The following NCAM2 variants were observed in gnomAD, a reference collection of about 807,000 sequenced individuals.
NCAM2 encodes N-CAM-2.
In NCAM2, 30 loss-of-function variants were observed where a neutral mutation model predicts 98.1. That is an observed-to-expected ratio of 0.31 (90% confidence interval 0.23 to 0.41). The LOEUF is 0.41. Among genes scored for constraint, NCAM2 ranks in the 10% least tolerant of loss-of-function variants. NCAM2 has a pLI of 1.00. For missense variants in NCAM2, 867 were observed against 1,005.8 expected (o/e 0.86, Z 1.87); for synonymous variants, 368 against 342.4 (o/e 1.07, Z -0.83).
At chr21:21,420,507 A>T (rs921021822) in intron 11 of NCAM2, among the ~76,000 whole-genome samples, 41 of 152,058 alleles carry the variant, frequency 2.7e-4, no homozygotes, top group African/African-American at 9.4e-4. Context: ...TAACAGACTT[A>T]AAAGCATCTG....
At chr21:21,067,022 TTAAG>T (rs1452524129) in intron 1 of NCAM2, among the ~76,000 whole-genome samples, 1 of 151,946 alleles carries the variant, frequency 6.6e-6, no homozygotes, top group Non-Finnish European at 1.5e-5. Flanking sequence ...ATGCGTCTGT[TTAAG>T]TAGGTTTATG....
At chr21:21,427,214 G>T (rs1445214691) in intron 11 of NCAM2, among the ~76,000 whole-genome samples, 1 of 150,140 alleles carries the variant, frequency 6.7e-6, no homozygotes, top group Non-Finnish European at 1.5e-5. Flanking sequence ...AGAAGAGAGT[G>T]GGATTGAAAA....
chr21:21,506,813 AT>A (rs1288401474), intron 15 of NCAM2, among the ~76,000 whole-genome samples: 6 of 150,160 alleles, frequency 4.0e-5, no homozygotes, highest in Non-Finnish European at 8.8e-5. Flanking sequence ...TTAATACATT[AT>A]TTTTTTTCAC....
chr21:21,222,110 C>T (rs1480468627), intron 1 of NCAM2, among the ~76,000 whole-genome samples: 1 of 152,100 alleles, frequency 6.6e-6, no homozygotes, highest in Non-Finnish European at 1.5e-5. Context: ...ACATGATGTA[C>T]TGAATATTTT....
intron 1 of NCAM2, among the ~76,000 whole-genome samples, chr21:21,165,613 C>T (rs900377641): frequency 2.6e-5 from 4 of 152,118 alleles, no homozygotes; most frequent in Non-Finnish European, 5.9e-5. Context: ...TTGGGGTAAC[C>T]GAGGCCTGCT....
At chr21:21,067,939 A>G (rs2065474450) in intron 1 of NCAM2, among the ~76,000 whole-genome samples, 1 of 152,058 alleles carries the variant, frequency 6.6e-6, no homozygotes, top group Non-Finnish European at 1.5e-5. Flanking sequence ...CATTAAAAAA[A>G]CTGAATTTCT....
intron 1 of NCAM2, among the ~76,000 whole-genome samples, chr21:21,149,423 A>T (rs985375141): frequency 2.6e-5 from 4 of 152,024 alleles, no homozygotes; most frequent in African/African-American, 9.7e-5. Context: ...TTTTACCTTA[A>T]GTTCTGGGAT....
chr21:21,366,839 A>C (rs1176894576), intron 8 of NCAM2, among the ~76,000 whole-genome samples: 1 of 152,034 alleles, frequency 6.6e-6, no homozygotes, highest in Non-Finnish European at 1.5e-5. Flanking sequence ...ATCACACTTT[A>C]TCTGTTTTCC....
At chr21:21,523,759 C>G (rs556102493) in intron 16 of NCAM2, among the ~76,000 whole-genome samples, 1 of 151,308 alleles carries the variant, frequency 6.6e-6, no homozygotes, top group South Asian at 2.1e-4. Context: ...AATTCTTGAA[C>G]AACAAATAAA....
At chr21:21,304,568 A>G (rs573817122) in intron 5 of NCAM2, among the ~76,000 whole-genome samples, 19 of 152,252 alleles carry the variant, frequency 1.2e-4, no homozygotes, top group East Asian at 3.9e-4. Flanking sequence ...TAGTTTTAAT[A>G]TAGAATAAAA....
chr21:21,374,804 G>T (rs1315952858), intron 9 of NCAM2, among the ~76,000 whole-genome samples: 1 of 151,670 alleles, frequency 6.6e-6, no homozygotes, highest in African/African-American at 2.4e-5. Flanking sequence ...TATTTCTATT[G>T]GAGCATGTCT....
At chr21:21,188,857 A>T (rs2068724484) in intron 1 of NCAM2, among the ~76,000 whole-genome samples, 1 of 152,210 alleles carries the variant, frequency 6.6e-6, no homozygotes, top group African/African-American at 2.4e-5. Context: ...AGTGGTAATT[A>T]AAAAATAAAT....
At chr21:21,100,860 C>G (rs1436788288) in intron 1 of NCAM2, among the ~76,000 whole-genome samples, 1 of 152,040 alleles carries the variant, frequency 6.6e-6, no homozygotes, top group African/African-American at 2.4e-5. Flanking sequence ...TCAGGAAGCT[C>G]TGTGCCATTT....
chr21:21,181,868 T>A (rs2068484088), intron 1 of NCAM2, among the ~76,000 whole-genome samples: 1 of 151,998 alleles, frequency 6.6e-6, no homozygotes, highest in Non-Finnish European at 1.5e-5. Flanking sequence ...TAGGATGTAA[T>A]CTCTGTTACC....
At chr21:21,167,904 C>T (rs575429886) in intron 1 of NCAM2, among the ~76,000 whole-genome samples, 94 of 152,054 alleles carry the variant, frequency 6.2e-4, no homozygotes, top group Admixed American at 2.4e-3. Flanking sequence ...ACTAATTCTC[C>T]ATAATCTCTT....
chr21:21,346,509 A>G (rs1489867658), intron 8 of NCAM2, among the ~76,000 whole-genome samples: 4 of 152,104 alleles, frequency 2.6e-5, no homozygotes, highest in Non-Finnish European at 4.4e-5. Flanking sequence ...CTTCAGATGT[A>G]ATCTGCACTA....
At chr21:21,318,742 T>A (rs1045143044) in intron 5 of NCAM2, among the ~76,000 whole-genome samples, 1 of 152,336 alleles carries the variant, frequency 6.6e-6, no homozygotes, top group South Asian at 2.1e-4. Context: ...AAACAAATGC[T>A]GTAATAGATA....
In NCAM2 at chr21:21,210,560, C is replaced by T. The variant is rs570758708; in HGVS notation, c.56-70018C>T. 1.1e-4 allele frequency: 139 copies of T among 1,288,138 alleles called. 5 individuals are homozygous for T. In the South Asian group the frequency reaches 1.6e-3, roughly 15 times the overall value. 79.8% of individuals were successfully genotyped at this position (1,288,138 alleles called of 1,614,324 possible). A position where few individuals can be genotyped will look rare whatever the true frequency, so the allele number is the denominator to read the frequency against. Reference sequence around the variant, plus strand: ...TTTCAGAGTTATTTGAAGAGTACCACGATGGTGAGATCTGATTCAGGAGGA... The same window carrying T: ...TTTCAGAGTTATTTGAAGAGTACCATGATGGTGAGATCTGATTCAGGAGGA... On this transcript the variant is annotated intron_variant, in intron 1 of 17. Transcript: ENST00000400546.
At chr21:21,282,120 C>G (rs1260154621) in intron 2 of NCAM2, among the ~76,000 whole-genome samples, 1 of 151,778 alleles carries the variant, frequency 6.6e-6, no homozygotes, top group Non-Finnish European at 1.5e-5. Flanking sequence ...AAATTTGACA[C>G]AAGCATATAG....
Sources: gnomAD v4.1 joint callset for allele counts (sites outside exome capture counted in the v4.1 genomes callset) on GRCh38, gnomAD v4.1.1 for gene constraint, MANE v1.5 for transcripts, NCBI Gene and HGNC (gene_info 2026-07-23, HGNC 2026-07-21) for gene names.